Variants in PRKCB observed in about 807,000 individuals in gnomAD.
PRKCB encodes the protein protein kinase C beta type.
PRKCB carries 13 observed loss-of-function variants against 81.5 expected under a neutral mutation model. The ratio of observed to expected loss-of-function variants is 0.16; its 90% CI spans 0.10 to 0.25. The LOEUF is 0.25. PRKCB is among the 10% of genes least tolerant of loss of function. The pLI, the probability that PRKCB is intolerant of heterozygous loss-of-function variation, is 1.00. For missense variants in PRKCB, 509 were observed against 875.7 expected (o/e 0.58, Z 5.29); for synonymous variants, 335 against 321.4 (o/e 1.04, Z -0.45).
At chr16:24,096,666 A>AAAAAAAAAAATAT (rs1406204037) in intron 7 of PRKCB, among the ~76,000 whole-genome samples, 8 of 32,706 alleles carry the variant, frequency 2.4e-4, no homozygotes, top group Admixed American at 2.2e-3. Flanking sequence ...AAAAAAAAAA[A>AAAAAAAAAAATAT]ATATATATAT....
At chr16:23,866,987 CCTTCCT>C (rs1194284393) in intron 2 of PRKCB, among the ~76,000 whole-genome samples, 3 of 64,206 alleles carry the variant, frequency 4.7e-5, no homozygotes, top group East Asian at 1.0e-3. Context: ...CCCTTCCTTC[CCTTCCT>C]TCCCTTCCTT....
intron 3 of PRKCB, among the ~76,000 whole-genome samples, chr16:24,030,163 G>A (rs1965533394): frequency 6.6e-6 from 1 of 152,198 alleles, no homozygotes; most frequent in African/African-American, 2.4e-5. Context: ...CTCTCAAAGT[G>A]CTGGGGTTAT....
At chr16:23,890,144 C>T (rs915341787) in intron 2 of PRKCB, among the ~76,000 whole-genome samples, 2 of 152,196 alleles carry the variant, frequency 1.3e-5, no homozygotes, top group African/African-American at 4.8e-5. Flanking sequence ...ACACTGCATT[C>T]CACAGCTCCT....
intron 3 of PRKCB, among the ~76,000 whole-genome samples, chr16:23,989,948 A>G (rs562932698): frequency 1.1e-3 from 173 of 152,252 alleles, no homozygotes; most frequent in African/African-American, 3.8e-3. Context: ...CTGATAAGAG[A>G]GAGACATCCC....
intron 16 of PRKCB, among the ~76,000 whole-genome samples, chr16:24,209,013 A>G (rs1218675455): frequency 6.6e-6 from 1 of 151,852 alleles, no homozygotes; most frequent in Admixed American, 6.6e-5. Context: ...GAGTGGGGAG[A>G]GGGAGGGGGA....
intron 2 of PRKCB, among the ~76,000 whole-genome samples, chr16:23,900,912 T>C (rs1447513090): frequency 6.6e-6 from 1 of 152,044 alleles, no homozygotes; most frequent in Admixed American, 6.6e-5. Context: ...TAGGTTAAGA[T>C]GGCATGTGCA....
At chr16:24,070,230 C>A (rs1199742429) in intron 5 of PRKCB, among the ~76,000 whole-genome samples, 1 of 151,158 alleles carries the variant, frequency 6.6e-6, no homozygotes, top group Non-Finnish European at 1.5e-5. Flanking sequence ...CTCACTGCAA[C>A]CTCTGCCTCC....
Position 24,218,151 on chromosome 16 carries a change from T to C in PRKCB, c.*3335T>C. The C allele has an allele frequency of 1.0e-6, 1 of 985,370 alleles. No individual in the cohort carries two copies. The highest frequency in any genetic ancestry group is 1.2e-6 in the Non-Finnish European group (1 of 829,918). The allele number at this position is 985,370 out of a possible 1,614,324, so 61.0% of individuals were successfully genotyped here. A position where few individuals can be genotyped will look rare whatever the true frequency, so the allele number is the denominator to read the frequency against. ...TTCTCTCCAAGAAATTCTCCAAGAA[T>C]ATTGTTTCTTGGAGAGAAATAATAA... On this transcript the variant is annotated 3_prime_UTR_variant, in exon 17 of 17. Transcript: ENST00000643927.
Position 23,950,049 on chromosome 16 carries a change from C to A in PRKCB, c.206-38459C>A, listed in dbSNP as rs143222724. Reference sequence around the variant, plus strand: ...TGCTGCCCATGCTAACCGAAGGAGCCTCGCCGTGGGGCGGATGTGGCCTCC... The same window carrying A: ...TGCTGCCCATGCTAACCGAAGGAGCATCGCCGTGGGGCGGATGTGGCCTCC... On this transcript the variant is annotated intron_variant, in intron 2 of 16. Coordinates refer to ENST00000643927, the MANE Select transcript of PRKCB (RefSeq NM_002738.7). Among the ~76,000 whole-genome samples the A allele has an allele frequency of 4.6e-5, 7 of 152,234 alleles. No individual in the cohort carries two copies. In the South Asian group the frequency reaches 1.5e-3, roughly 32 times the overall value.
Position 24,136,947 on chromosome 16 carries a change from G to A in PRKCB, c.1065+12966G>A, listed in dbSNP as rs918941851. Among the ~76,000 whole-genome samples, 4 of 151,836 alleles carry A rather than the reference G, an allele frequency of 2.6e-5. No homozygotes were observed. In the East Asian group the frequency reaches 5.8e-4, roughly 22 times the overall value. On this transcript the variant is annotated intron_variant, in intron 9 of 16. Transcript: ENST00000643927. Reference sequence around the variant, plus strand: ...GGCTGGATTGCAGTAGCATGATCTCGGCTCACTGCAACCTCCACCTCCTGG... The same window carrying A: ...GGCTGGATTGCAGTAGCATGATCTCAGCTCACTGCAACCTCCACCTCCTGG...
chr16:24,009,356 A>G (rs1031713447), intron 3 of PRKCB, among the ~76,000 whole-genome samples: 2 of 152,156 alleles, frequency 1.3e-5, no homozygotes, highest in Non-Finnish European at 2.9e-5. Context: ...AAAGCTAAAC[A>G]TCACTAATCA....
At chr16:23,873,202 A>AAAAAAAAGAAAAAAAG (rs1567297442) in intron 2 of PRKCB, among the ~76,000 whole-genome samples, 1 of 83,422 alleles carries the variant, frequency 1.2e-5, no homozygotes, top group African/African-American at 5.0e-5. Context: ...AAAAAAAAAA[A>AAAAAAAAGAAAAAAAG]AAAAAAAGAA....
chr16:24,020,446 C>A (rs1030467795), intron 3 of PRKCB, among the ~76,000 whole-genome samples: 2 of 152,098 alleles, frequency 1.3e-5, no homozygotes, highest in South Asian at 2.1e-4. Context: ...TGCAGGCATG[C>A]GAAGTTATGA....
intron 2 of PRKCB, among the ~76,000 whole-genome samples, chr16:23,842,321 T>A (rs1962282229): frequency 6.6e-6 from 1 of 152,040 alleles, no homozygotes; most frequent in African/African-American, 2.4e-5. Flanking sequence ...AATAATGAGG[T>A]GGTGCATGAG....
intron 10 of PRKCB, among the ~76,000 whole-genome samples, chr16:24,164,259 T>C (rs1475457138): frequency 6.6e-6 from 1 of 152,222 alleles, no homozygotes; most frequent in Non-Finnish European, 1.5e-5. Context: ...AGGTGAATTC[T>C]GCACCTCCCA....
intron 2 of PRKCB, among the ~76,000 whole-genome samples, chr16:23,898,314 A>G (rs1481955650): frequency 6.6e-6 from 1 of 152,010 alleles, no homozygotes; most frequent in African/African-American, 2.4e-5. Context: ...TGATCCGCCC[A>G]TCTCGGCCTC....
intron 9 of PRKCB, among the ~76,000 whole-genome samples, chr16:24,142,437 G>A (rs368417692): frequency 5.8e-4 from 88 of 152,142 alleles, no homozygotes; most frequent in Non-Finnish European, 1.0e-3. Flanking sequence ...TGAGTGCCCC[G>A]GGAAGAGCAG....
At chr16:23,876,092 T>C (rs961730488) in intron 2 of PRKCB, among the ~76,000 whole-genome samples, 1 of 152,216 alleles carries the variant, frequency 6.6e-6, no homozygotes, top group Non-Finnish European at 1.5e-5. Context: ...CATTGATTGA[T>C]CAACTCATTT....
intron 2 of PRKCB, among the ~76,000 whole-genome samples, chr16:23,981,600 C>CT (rs750146857): frequency 5.3e-5 from 8 of 149,712 alleles, no homozygotes; most frequent in Non-Finnish European, 1.2e-4. Flanking sequence ...CTTCCCTTCC[C>CT]TTCCCTTTCC....
Sources: allele counts gnomAD v4.1 joint callset (sites outside exome capture counted in the v4.1 genomes callset), GRCh38; gene constraint gnomAD v4.1.1; transcripts MANE v1.5; gene names NCBI Gene and HGNC (gene_info 2026-07-23, HGNC 2026-07-21).